NCOR2: variants seen among roughly 807,000 people sequenced by gnomAD.
The protein encoded by NCOR2 is nuclear receptor corepressor 2, also known as CTG repeat protein 26.
In NCOR2, 81 loss-of-function variants were observed where a neutral mutation model predicts 262.9. The ratio of observed to expected loss-of-function variants is 0.31; its 90% CI spans 0.26 to 0.37. NCOR2 has a LOEUF of 0.37. NCOR2 is among the 10% of genes least tolerant of loss of function. NCOR2 has a pLI of 1.00. For missense variants in NCOR2, 3,385 were observed against 3,621.4 expected, an observed-to-expected ratio of 0.93 and a Z score of 1.68; for synonymous variants, 1,659 against 1,559.3, an observed-to-expected ratio of 1.06 and a Z score of -1.51.
At chr12:124,372,518 C>T (rs767378143) in exon 20 of NCOR2, 2 of 1,592,026 alleles carry the variant, frequency 1.3e-6, no homozygotes, top group Admixed American at 3.4e-5. Context: ...CCCAGGGTGG[C>T]TGGGGGCTTG....
rs939891348 is a variant in NCOR2 at position 124,517,103 on chromosome 12, T to C, written c.-118+18462A>G. Among the ~76,000 whole-genome samples, 3 of 151,924 alleles carry C rather than the reference T, an allele frequency of 2.0e-5. No homozygotes were observed. The highest frequency in any genetic ancestry group is 7.3e-5 in the African/African-American group (3 of 41,342). On this transcript the variant is annotated intron_variant, in intron 1 of 46. Transcript: ENST00000404621. This position sits in a 1 kb window ranked among gnomAD's most constrained non-coding sequence, Gnocchi z 7.6. ...TTCTCCCGTCAGTCCCATGCTTGTG[T>C]AGACCCCACTGTGCCCCATTTTACA...
intron 34 of NCOR2, 136 bp from the exon 37 acceptor site, chr12:124,340,887 C>T (rs1429376718): frequency 6.0e-6 from 5 of 831,078 alleles, no homozygotes; most frequent in Middle Eastern, 3.2e-4. Flanking sequence ...ACTCCCTCCT[C>T]GGCTCCCAGC....
At chr12:124,343,026 G>A (rs765320802) in exon 33 of NCOR2, 6 of 1,611,320 alleles carry the variant, frequency 3.7e-6, no homozygotes, top group Admixed American at 3.3e-5. Context: ...GGGATGCCGC[G>A]GGGTATGGAG....
chr12:124,442,039 G>GA (rs2044839790), intron 7 of NCOR2, among the ~76,000 whole-genome samples: 2 of 152,378 alleles, frequency 1.3e-5, no homozygotes, highest in South Asian at 4.1e-4. Context: ...TCCTGGACCA[G>GA]AAAACAGACG....
At chr12:124,521,886 C>T (rs1483881347) in intron 1 of NCOR2, among the ~76,000 whole-genome samples, 2 of 152,090 alleles carry the variant, frequency 1.3e-5, no homozygotes, top group Non-Finnish European at 2.9e-5. Flanking sequence ...GGTGTGGTGG[C>T]GCATACCCGT....
rs1565940521 is a variant in NCOR2, at chr12:124,433,891, C to CAA, written c.883-3105_883-3104insTT. ...ACACACACACACACACACACACACACACACACACGCACACACACACACAGG... is the reference window on the plus strand; with the variant it reads ...ACACACACACACACACACACACACACAAACACACACGCACACACACACACAGG... On this transcript the variant is annotated intron_variant, in intron 8 of 46. Coordinates refer to ENST00000405201, the Ensembl canonical transcript of NCOR2. 1.3e-3 allele frequency among the ~76,000 whole-genome samples: 157 copies of CAA among 120,724 alleles called. 4 individuals are homozygous for CAA. The highest frequency in any genetic ancestry group is 3.8e-3 in the Middle Eastern group (1 of 266). 79.2% of individuals were successfully genotyped at this position (120,724 alleles called of 152,430 possible).
At position 124,542,616 on chromosome 12, in the gene NCOR2, G is replaced by C. The variant is rs144744460; in HGVS notation, c.-164-7005C>G. 3.6e-3 allele frequency: 548 copies of C among 152,668 alleles called. 2 individuals carry two copies. The highest frequency in any genetic ancestry group is 6.3e-3 in the Non-Finnish European group (429 of 68,278). 9.5% of individuals were successfully genotyped at this position (152,668 alleles called of 1,614,324 possible). On this transcript the variant is annotated intron_variant, in intron 1 of 32. Transcript: ENST00000458234. ...CTGGACCCCGCAGACCCACAGATCA[G>C]ACCCTGGCCCCCAAGGGGCAGGCAT...
At chr12:124,392,891 G>T (rs1487113111) in intron 16 of NCOR2, among the ~76,000 whole-genome samples, 3 of 152,254 alleles carry the variant, frequency 2.0e-5, no homozygotes, top group Admixed American at 1.3e-4. Flanking sequence ...GAGTCCTGGG[G>T]GAGGCCTCTG....
intron 43 of NCOR2, chr12:124,331,933 A>C: frequency 4.5e-6 from 1 of 224,460 alleles, no homozygotes; most frequent in East Asian, 9.6e-5. Flanking sequence ...AGGGACTGGG[A>C]AGCAGAGTGG....
At chr12:124,542,623 G>A (rs1341131578) in intron 1 of NCOR2, 5 of 152,444 alleles carry the variant, frequency 3.3e-5, no homozygotes, top group Non-Finnish European at 7.3e-5. Flanking sequence ...TCAGACCCTG[G>A]CCCCCAAGGG....
At chr12:124,416,879 G>T (rs1459044182) in intron 13 of NCOR2, among the ~76,000 whole-genome samples, 1 of 151,788 alleles carries the variant, frequency 6.6e-6, no homozygotes, top group African/African-American at 2.4e-5. Context: ...TAGACCCGCC[G>T]CACAGGGAGA....
intron 1 of NCOR2, among the ~76,000 whole-genome samples, chr12:124,519,525 AAGC>A (rs2050057081): frequency 6.6e-6 from 1 of 152,112 alleles, no homozygotes; most frequent in African/African-American, 2.4e-5. Context: ...TGTGTTGTCA[AAGC>A]AGAGAGAAGG....
In NCOR2 at chr12:124,379,999, T is replaced by C. The variant is rs182788502; in HGVS notation, c.2020-1615A>G. Among the ~76,000 whole-genome samples, 393 of 152,238 alleles carry C rather than the reference T, an allele frequency of 2.6e-3. 1 individual carries two copies. The highest frequency in any genetic ancestry group is 3.4e-3 in the Non-Finnish European group (229 of 68,020). On this transcript the variant is annotated intron_variant, in intron 17 of 46. Transcript: ENST00000405201. The stretch of plus-strand genomic sequence containing the variant: ...CCTGTGGACGCTTTGGTTCCAGACG[T>C]CTAGCCTCCAGAATTGGAAGAGAAT...
At chr12:124,516,363 G>A (rs1198930109) in intron 1 of NCOR2, among the ~76,000 whole-genome samples, 4 of 152,162 alleles carry the variant, frequency 2.6e-5, no homozygotes, top group African/African-American at 4.8e-5. Flanking sequence ...AGTGGGAGAC[G>A]GGGCAGAACA....
exon 31 of NCOR2, chr12:124,346,601 A>G (rs753079885): frequency 3.8e-6 from 6 of 1,583,920 alleles, no homozygotes; most frequent in Admixed American, 1.7e-5. Flanking sequence ...CCGCGGGGCC[A>G]GGGGCAGCTC....
chr12:124,350,768 G>A, intron 27 of NCOR2, 31 bp from the exon 30 acceptor site: 2 of 1,596,892 alleles, frequency 1.3e-6, no homozygotes, highest in East Asian at 4.5e-5. Flanking sequence ...GCGCCCAGGA[G>A]GCTGCAGCCC....
In NCOR2 at chr12:124,326,238, C is replaced by T. The variant is rs200604426; in HGVS notation, c.7316G>A (p.Arg2439Gln). The T allele has an allele frequency of 1.3e-4, 202 of 1,544,868 alleles. No homozygotes were observed. Among genetic ancestry groups the T allele is most frequent in the Non-Finnish European group, 1.6e-4 (181 of 1,146,036 alleles). Residue 2439 changes from arginine to glutamine, a missense_variant, in exon 46 of 47, where the codon CGG (arginine) becomes CAG (glutamine). Coordinates refer to ENST00000405201, the Ensembl canonical transcript of NCOR2. ...CCACACGCGGTTGGTGAGCGGCGTC[C>T]GGCGGTTGCAGTCTCCCTCCGAGTG...
rs571072150 is a variant in NCOR2, at chr12:124,426,898, C to T, written c.1150-98G>A. 68 of 1,209,392 alleles carry T rather than the reference C, an allele frequency of 5.6e-5. 2 individuals carry two copies. In the South Asian group the frequency reaches 1.1e-3, roughly 20 times the overall value. The allele number at this position is 1,209,392 out of a possible 1,614,324, so 74.9% of individuals were successfully genotyped here. ...AGACACAGAGGGGACGGATGGTCTG[C>T]GCCAGAGCAGGGAAAACGCGAAACC... On this transcript the variant is annotated intron_variant, in intron 10 of 46. Transcript: ENST00000405201.
chr12:124,361,653 C>T (rs1681574217), intron 22 of NCOR2, among the ~76,000 whole-genome samples: 2 of 152,224 alleles, frequency 1.3e-5, no homozygotes, highest in Non-Finnish European at 2.9e-5. Flanking sequence ...CCTGCCCAGG[C>T]CCCAGAGCTG....
Sources: allele counts gnomAD v4.1 joint callset (sites outside exome capture counted in the v4.1 genomes callset), GRCh38; gene constraint gnomAD v4.1.1; non-coding constraint Gnocchi (gnomAD v3.1); transcripts MANE v1.5; gene names NCBI Gene and HGNC (gene_info 2026-07-23, HGNC 2026-07-21).